PCDHGC3: variants seen among roughly 807,000 people sequenced by gnomAD.
PCDHGC3 encodes the protein protocadherin gamma-C3.
Under a neutral mutation model 59.2 loss-of-function variants are expected in PCDHGC3, and 26 were observed. The ratio of observed to expected loss-of-function variants is 0.44; its 90% CI spans 0.32 to 0.61. The LOEUF (loss-of-function observed/expected upper bound fraction) is 0.61. PCDHGC3 is among the 20% of genes least tolerant of loss of function. The probability of loss-of-function intolerance (pLI) is 0.05; values close to 1 mark genes in which losing one functional copy is unlikely to be tolerated. For missense variants in PCDHGC3, 1,080 were observed against 1,221.8 expected, an observed-to-expected ratio of 0.88 and a Z score of 1.73; for synonymous variants, 487 against 519.7, an observed-to-expected ratio of 0.94 and a Z score of 0.86.
At chr5:141,484,639 C>A (rs1366750263) in intron 1 of PCDHGC3, among the ~76,000 whole-genome samples, 1 of 151,938 alleles carries the variant, frequency 6.6e-6, no homozygotes, top group Non-Finnish European at 1.5e-5. Context: ...AGTGACCACT[C>A]TCCAATGGCT....
chr5:141,499,466 G>C (rs1337970911), intron 2 of PCDHGC3, among the ~76,000 whole-genome samples: 1 of 152,034 alleles, frequency 6.6e-6, no homozygotes, highest in African/African-American at 2.4e-5. Flanking sequence ...TTACAATCTA[G>C]GGAGAACCAC....
Position 141,512,554 on chromosome 5 carries a change from T to TAG in PCDHGC3, c.*1383_*1384dup, listed in dbSNP as rs2099884300. ...AAGTTCCCCAGTGCCTCCTTGTGCA[T>TAG]AGACCTTCTTCTCCCACCCCCTTCT... is the stretch of plus-strand genomic sequence containing the variant. On this transcript the variant is annotated 3_prime_UTR_variant, in exon 4 of 4. Coordinates refer to ENST00000308177, the MANE Select transcript of PCDHGC3 (RefSeq NM_002588.4). 6.5e-6 allele frequency: 1 copy of TAG among 153,012 alleles called. No homozygotes were observed. Among genetic ancestry groups the TAG allele is most frequent in the Non-Finnish European group, 1.5e-5 (1 of 68,482 alleles). 9.5% of individuals were successfully genotyped at this position (153,012 alleles called of 1,614,324 possible).
At chr5:141,505,552 T>C (rs920594597) in intron 3 of PCDHGC3, 71 bp downstream of exon 3, 8 of 1,608,230 alleles carry the variant, frequency 5.0e-6, no homozygotes, top group Non-Finnish European at 6.8e-6. Context: ...ACAGCCACCA[T>C]GCCCACGGAC....
chr5:141,486,150 G>T lies in PCDHGC3; in HGVS notation c.2430+7604G>T. The T allele has an allele frequency of 6.2e-7, 1 of 1,614,180 alleles. No individual in the cohort carries two copies. The highest frequency in any genetic ancestry group is 8.5e-7 in the Non-Finnish European group (1 of 1,180,030). On this transcript the variant is annotated intron_variant, in intron 1 of 3. Transcript: ENST00000308177. This position sits in a 1 kb window ranked among gnomAD's most constrained non-coding sequence, Gnocchi z 5.0. The stretch of plus-strand genomic sequence containing the variant: ...TTTGATGTGCGGGCTCGCGATGGGG[G>T]TTCTCCAGCCATGGAGCAACATTGC...
chr5:141,489,267 C>A lies in PCDHGC3; in HGVS notation c.2431-5540C>A. On this transcript the variant is annotated intron_variant, in intron 1 of 3. Transcript: ENST00000308177. This position sits in a 1 kb window ranked among gnomAD's most constrained non-coding sequence, Gnocchi z 4.5. ...TGGGGCCCAAGACACTCCCACAGCT[C>A]GCTGGGAAATGGCAAGTGCTGTGCA... is the stretch of plus-strand genomic sequence containing the variant. 1 of 1,553,300 alleles carries A rather than the reference C, an allele frequency of 6.4e-7. No homozygotes were observed. The highest frequency in any genetic ancestry group is 8.7e-7 in the Non-Finnish European group (1 of 1,149,864).
At chr5:141,507,724 G>A (rs2099862962) in intron 3 of PCDHGC3, among the ~76,000 whole-genome samples, 1 of 152,256 alleles carries the variant, frequency 6.6e-6, no homozygotes. Context: ...CTCCAAGCAA[G>A]TCATGCAGCT....
chr5:141,478,337 T>C lies in PCDHGC3; in HGVS notation c.2221T>C (p.Ser741Pro), dbSNP rs766980546. The change falls in exon 1 of 4, where the codon TCC becomes CCC. Residue 741 changes from serine to proline, a missense_variant. Transcript: ENST00000308177. ...CTCACTGTACCGAACACCAGGGCCC[T>C]CCTTGCACGCGGACGCCGTGCGGGG... ...VSSLYRTPGP[S>P]LHADAVRGGL... 6.2e-7 allele frequency: 1 copy of C among 1,613,942 alleles called. No homozygotes were observed. Among genetic ancestry groups the C allele is most frequent in the Non-Finnish European group, 8.5e-7 (1 of 1,180,022 alleles).
rs376494807 is a variant in PCDHGC3 at position 141,491,836 on chromosome 5, G to A, written c.2431-2971G>A. 4.2e-5 allele frequency: 62 copies of A among 1,472,880 alleles called. No homozygotes were observed. The highest frequency in any genetic ancestry group is 3.6e-4 in the Middle Eastern group (2 of 5,606). 91.2% of individuals were successfully genotyped at this position (1,472,880 alleles called of 1,614,324 possible). A position where few individuals can be genotyped will look rare whatever the true frequency, so the allele number is the denominator to read the frequency against. On this transcript the variant is annotated intron_variant, in intron 1 of 3. Coordinates refer to ENST00000308177, the MANE Select transcript of PCDHGC3 (RefSeq NM_002588.4). This position sits in a 1 kb window ranked among gnomAD's most constrained non-coding sequence, Gnocchi z 6.9. ...CTGGCTGCGCTCCACCCGATTCTCG[G>A]GATCATTGGACCGTTTGCGCGAAAC...
chr5:141,483,811 C>A (rs1252197546), intron 1 of PCDHGC3, among the ~76,000 whole-genome samples: 1 of 152,102 alleles, frequency 6.6e-6, no homozygotes, highest in Non-Finnish European at 1.5e-5. Flanking sequence ...CTTTTTTTGG[C>A]AGCCAGTGTA....
chr5:141,497,509 C>T (rs1282025317), intron 2 of PCDHGC3, among the ~76,000 whole-genome samples: 1 of 151,184 alleles, frequency 6.6e-6, no homozygotes, highest in Non-Finnish European at 1.5e-5. Flanking sequence ...CTCTCTGCTT[C>T]CTTAGTTAAC....
intron 2 of PCDHGC3, among the ~76,000 whole-genome samples, chr5:141,495,968 CTGTTACTCTTTCTT>C (rs1033811907): frequency 6.6e-6 from 1 of 152,126 alleles, no homozygotes; most frequent in African/African-American, 2.4e-5. Context: ...GCCTCTTTCT[CTGTTACTCTTTCTT>C]TATCTCTCTT....
chr5:141,506,760 G>A (rs1018086132), intron 3 of PCDHGC3, among the ~76,000 whole-genome samples: 1 of 152,128 alleles, frequency 6.6e-6, no homozygotes, highest in Non-Finnish European at 1.5e-5. Context: ...CTAGCTTCTG[G>A]AGCAGCAAAT....
intron 2 of PCDHGC3, among the ~76,000 whole-genome samples, chr5:141,500,148 G>A (rs936567158): frequency 6.6e-6 from 1 of 150,990 alleles, no homozygotes; most frequent in Non-Finnish European, 1.5e-5. Flanking sequence ...ACTTTTCTTT[G>A]TGTAATCAAA....
chr5:141,483,501 G>A (rs1022338958), intron 1 of PCDHGC3, among the ~76,000 whole-genome samples: 2 of 150,394 alleles, frequency 1.3e-5, no homozygotes, highest in Admixed American at 1.3e-4. Context: ...ATGAGTCAAG[G>A]CTGATCCCCC....
In PCDHGC3 at chr5:141,476,886, C is replaced by T; in HGVS notation, c.770C>T (p.Ala257Val). ...TACCGGGCGCGCGTCCTGGAGGATG[C>T]ACCCTCCGGCACGCGCGTGGTACAA... ...SLYRARVLED[A>V]PSGTRVVQVL... is the part of the protein sequence containing the mutation. Residue 257 changes from alanine to valine, a missense_variant, in exon 1 of 4, where the codon GCA becomes GTA. Transcript: ENST00000308177. This position sits in a 1 kb window ranked among gnomAD's most constrained non-coding sequence, Gnocchi z 7.6. The T allele has an allele frequency of 9.9e-6, 16 of 1,613,924 alleles. No individual in the cohort carries two copies. Among genetic ancestry groups the T allele is most frequent in the Non-Finnish European group, 1.4e-5 (16 of 1,180,032 alleles).
At chr5:141,500,116 C>T (rs1458562489) in intron 2 of PCDHGC3, among the ~76,000 whole-genome samples, 4 of 149,046 alleles carry the variant, frequency 2.7e-5, no homozygotes, top group Admixed American at 2.0e-4. Context: ...GAATCCCTGC[C>T]TTTTCATATA....
intron 1 of PCDHGC3, among the ~76,000 whole-genome samples, chr5:141,479,962 A>G: frequency 6.6e-6 from 1 of 152,226 alleles, no homozygotes; most frequent in Non-Finnish European, 1.5e-5. Context: ...GCAGTTAGTC[A>G]AATGAGGTTC....
rs866878519 is a variant in PCDHGC3, at chr5:141,486,035, C to A, written c.2430+7489C>A. ...TTATTTCAGTGGTCATACCCCTGAT[C>A]GTGTAAGAAACCTCTTTAGCCTGCA... is the stretch of plus-strand genomic sequence containing the variant. On this transcript the variant is annotated intron_variant, in intron 1 of 3. Coordinates refer to ENST00000308177, the MANE Select transcript of PCDHGC3 (RefSeq NM_002588.4). This position sits in a 1 kb window ranked among gnomAD's most constrained non-coding sequence, Gnocchi z 5.0. The A allele has an allele frequency of 1.9e-6, 3 of 1,614,100 alleles. No homozygotes were observed. The East Asian group carries it at 6.7e-5, about 36-fold the overall frequency.
chr5:141,480,371 C>T (rs1562080299), intron 1 of PCDHGC3, among the ~76,000 whole-genome samples: 1 of 151,908 alleles, frequency 6.6e-6, no homozygotes, highest in African/African-American at 2.4e-5. Flanking sequence ...GCTGTGATTG[C>T]ACCACTACAC....
Sources: allele counts gnomAD v4.1 joint callset (sites outside exome capture counted in the v4.1 genomes callset), GRCh38; gene constraint gnomAD v4.1.1; non-coding constraint Gnocchi (gnomAD v3.1); transcripts MANE v1.5; gene names NCBI Gene and HGNC (gene_info 2026-07-23, HGNC 2026-07-21).